The following CPXM2 variants were observed in gnomAD, a reference collection of about 807,000 sequenced individuals.
CPXM2 encodes carboxypeptidase X, M14 family member 2, also known as inactive carboxypeptidase-like protein X2.
In CPXM2, 66 loss-of-function variants were observed where a neutral mutation model predicts 86.1. The observed-to-expected ratio is 0.77, with a 90% confidence interval of 0.63 to 0.94. The LOEUF is 0.94. Ranked by LOEUF, CPXM2 falls within the 40% of genes least tolerant of loss-of-function variation. CPXM2 has a pLI of 0.00. For synonymous variants in CPXM2, 388 were observed against 400.2 expected (o/e 0.97, Z 0.36); for missense variants, 948 against 1,026.3 (o/e 0.92, Z 1.04).
At chr10:123,775,837 A>G (rs1431438510) in intron 7 of CPXM2, among the ~76,000 whole-genome samples, 1 of 152,206 alleles carries the variant, frequency 6.6e-6, no homozygotes, top group Non-Finnish European at 1.5e-5. Flanking sequence ...GGCTACCAGC[A>G]CCATCAAAGA....
rs5788632 is a variant in CPXM2 at position 123,843,432 on chromosome 10, A to ATTTT, written c.514-948_514-945dup. 4.1e-4 allele frequency among the ~76,000 whole-genome samples: 52 copies of ATTTT among 126,366 alleles called. 1 individual carries two copies. The highest frequency in any genetic ancestry group is 1.6e-3 in the East Asian group (7 of 4,348). 82.9% of individuals were successfully genotyped at this position (126,366 alleles called of 152,430 possible). On this transcript the variant is annotated intron_variant, in intron 3 of 13. Transcript: ENST00000241305. ...TTTTCCATGGCTATTTCACAGAGCT[A>ATTTT]TTTTTTTTTTTTTTTTTTTGAGACG...
chr10:123,756,657 G>A (rs764886337), intron 12 of CPXM2, among the ~76,000 whole-genome samples: 3 of 151,266 alleles, frequency 2.0e-5, no homozygotes, highest in East Asian at 2.0e-4. Flanking sequence ...CGGAGCCTTC[G>A]AAGAGGTAAT....
intron 13 of CPXM2, chr10:123,752,154 C>G: frequency 1.0e-6 from 1 of 985,402 alleles, no homozygotes; most frequent in Non-Finnish European, 1.2e-6. Context: ...CATCACACAG[C>G]CTTTCATGCA....
intron 4 of CPXM2, among the ~76,000 whole-genome samples, chr10:123,822,156 G>A (rs1847938035): frequency 6.6e-6 from 1 of 152,194 alleles, no homozygotes; most frequent in Admixed American, 6.5e-5. Context: ...AATAGCTGTT[G>A]AATAAACAGA....
chr10:123,840,825 G>GGTT (rs1378105257), intron 4 of CPXM2, among the ~76,000 whole-genome samples: 2 of 152,228 alleles, frequency 1.3e-5, no homozygotes, highest in African/African-American at 2.4e-5. Flanking sequence ...CAGGGACAAT[G>GGTT]ACAGGTGGTT....
chr10:123,852,361 C>T (rs112217979), intron 3 of CPXM2, among the ~76,000 whole-genome samples: 1 of 152,198 alleles, frequency 6.6e-6, no homozygotes, highest in African/African-American at 2.4e-5. Context: ...CTCATCTGCC[C>T]TGCATCAGAA....
At chr10:123,930,865 G>A (rs1049065511) in intron 2 of CPXM2, among the ~76,000 whole-genome samples, 1 of 152,188 alleles carries the variant, frequency 6.6e-6, no homozygotes, top group Admixed American at 6.5e-5. Flanking sequence ...TACAGAAAAT[G>A]AGTAGCCCGG....
chr10:123,934,230 A>T (rs1945694093), intron 2 of CPXM2, among the ~76,000 whole-genome samples: 2 of 152,124 alleles, frequency 1.3e-5, no homozygotes, highest in Admixed American at 1.3e-4. Context: ...CAGCACCACA[A>T]ACTGGTGACT....
chr10:123,832,505 A>G (rs948209382), intron 4 of CPXM2, among the ~76,000 whole-genome samples: 1 of 152,120 alleles, frequency 6.6e-6, no homozygotes, highest in African/African-American at 2.4e-5. Context: ...CATATGTTGG[A>G]ACCAAATCTC....
intron 2 of CPXM2, among the ~76,000 whole-genome samples, chr10:123,898,728 T>C (rs1239575612): frequency 6.6e-6 from 1 of 152,242 alleles, no homozygotes; most frequent in Admixed American, 6.5e-5. Context: ...ATTCCCACCT[T>C]ATAGAAAGTT....
At chr10:123,928,577 C>G (rs925546476) in intron 2 of CPXM2, among the ~76,000 whole-genome samples, 1 of 152,184 alleles carries the variant, frequency 6.6e-6, no homozygotes, top group Non-Finnish European at 1.5e-5. Context: ...GAGACAAGGT[C>G]AGAAAATTCT....
At chr10:123,846,453 T>C (rs1485494504) in intron 3 of CPXM2, among the ~76,000 whole-genome samples, 2 of 152,182 alleles carry the variant, frequency 1.3e-5, no homozygotes, top group South Asian at 2.1e-4. Context: ...AGGCCGTAAT[T>C]TGAGCAATGG....
intron 1 of CPXM2, among the ~76,000 whole-genome samples, chr10:123,888,833 T>G (rs1176631823): frequency 6.6e-6 from 1 of 152,210 alleles, no homozygotes; most frequent in Admixed American, 6.5e-5. Flanking sequence ...GTAGCAGGTC[T>G]GCAGGCAGCT....
intron 12 of CPXM2, among the ~76,000 whole-genome samples, chr10:123,756,160 C>G (rs1050912857): frequency 2.0e-5 from 3 of 152,176 alleles, no homozygotes; most frequent in African/African-American, 7.2e-5. Context: ...TGAGCACAAC[C>G]CATGGAAGGG....
chr10:123,815,614 C>T (rs901144349), intron 4 of CPXM2, among the ~76,000 whole-genome samples: 1 of 152,156 alleles, frequency 6.6e-6, no homozygotes. Flanking sequence ...AGGAGATAAA[C>T]CCTGCGCTGC....
At position 123,884,642 on chromosome 10, in the gene CPXM2, T is replaced by C. The variant is rs144611996; in HGVS notation, c.305-4333A>G. On this transcript the variant is annotated intron_variant, in intron 1 of 13. Coordinates refer to ENST00000241305, the MANE Select transcript of CPXM2 (RefSeq NM_198148.3). ...GCTGGACATGGAGGTACTCATGAAA[T>C]TGTCTAAGAACTTCTTACCAAAACT... Among the ~76,000 whole-genome samples, 1,041 of 152,244 alleles carry C rather than the reference T, an allele frequency of 6.8e-3. 14 individuals are homozygous for C. Among genetic ancestry groups the C allele is most frequent in the African/African-American group, 0.024 (999 of 41,560 alleles).
chr10:123,912,512 AC>A (rs1945499331), intron 2 of CPXM2, among the ~76,000 whole-genome samples: 1 of 152,206 alleles, frequency 6.6e-6, no homozygotes, highest in Admixed American at 6.5e-5. Flanking sequence ...GCCCTCCCAG[AC>A]ATTGCACCGG....
intron 6 of CPXM2, among the ~76,000 whole-genome samples, chr10:123,791,802 G>C (rs1847212968): frequency 6.6e-6 from 1 of 152,196 alleles, no homozygotes; most frequent in African/African-American, 2.4e-5. Flanking sequence ...AGGTTCTGAG[G>C]GGGACATGAA....
chr10:123,845,624 G>A lies in CPXM2; in HGVS notation c.514-3136C>T, dbSNP rs549719264. Among the ~76,000 whole-genome samples the A allele has an allele frequency of 7.2e-5, 11 of 151,836 alleles. No homozygotes were observed. The South Asian group carries it at 1.7e-3, about 23-fold the overall frequency. On this transcript the variant is annotated intron_variant, in intron 3 of 13. Transcript: ENST00000241305. ...AAAATAGACAACAGGAGAAAAATAA[G>A]AAAAGCAGAGGAAGAAATCCAGAAG... is the stretch of plus-strand genomic sequence containing the variant.
Sources: allele counts gnomAD v4.1 joint callset (sites outside exome capture counted in the v4.1 genomes callset), GRCh38; gene constraint gnomAD v4.1.1; transcripts MANE v1.5; gene names NCBI Gene and HGNC (gene_info 2026-07-23, HGNC 2026-07-21).